Variants in PCCA observed in about 807,000 individuals in gnomAD.
PCCA encodes the protein propionyl-CoA carboxylase subunit alpha.
Under a neutral mutation model 101.3 loss-of-function variants are expected in PCCA, and 74 were observed. The observed-to-expected ratio is 0.73, with a 90% CI of 0.61 to 0.89. PCCA has a LOEUF of 0.89. PCCA is among the 40% of genes least tolerant of loss of function. The pLI, the probability that PCCA is intolerant of heterozygous loss-of-function variation, is 0.00. For synonymous variants in PCCA, 294 were observed against 313.6 expected (o/e 0.94, Z 0.66); for missense variants, 891 against 907.0 (o/e 0.98, Z 0.23).
chr13:100,462,318 A>G (rs768352399), intron 21 of PCCA, among the ~76,000 whole-genome samples: 2 of 152,222 alleles, frequency 1.3e-5, no homozygotes, highest in Non-Finnish European at 2.9e-5. Flanking sequence ...TTTGGTTATT[A>G]GTATTGCAGT....
intron 21 of PCCA, among the ~76,000 whole-genome samples, chr13:100,467,788 G>C (rs1472393400): frequency 1.3e-5 from 2 of 152,178 alleles, no homozygotes; most frequent in Non-Finnish European, 2.9e-5. Context: ...TCACCCATGA[G>C]GGTTAGAATC....
chr13:100,333,335 C>T (rs2069933977), intron 17 of PCCA, among the ~76,000 whole-genome samples: 1 of 152,168 alleles, frequency 6.6e-6, no homozygotes, highest in Non-Finnish European at 1.5e-5. Flanking sequence ...TCATTTTGCC[C>T]CTTTGGGGTT....
intron 21 of PCCA, among the ~76,000 whole-genome samples, chr13:100,456,248 C>G (rs1265958502): frequency 6.6e-6 from 1 of 152,114 alleles, no homozygotes; most frequent in African/African-American, 2.4e-5. Context: ...GTGTGTTTCT[C>G]TATGACATGG....
chr13:100,450,681 TAATAA>T (rs1342139435), intron 21 of PCCA, among the ~76,000 whole-genome samples: 1 of 152,182 alleles, frequency 6.6e-6, no homozygotes, highest in African/African-American at 2.4e-5. Context: ...GGAAGGATGT[TAATAA>T]AATGTGTGTT....
chr13:100,423,193 G>A (rs945501612), intron 19 of PCCA, among the ~76,000 whole-genome samples: 7 of 152,050 alleles, frequency 4.6e-5, no homozygotes, highest in Non-Finnish European at 8.8e-5. Context: ...CTTCGTGTCG[G>A]AGTCTATCAC....
At chr13:100,263,780 T>A (rs1210229512) in intron 10 of PCCA, among the ~76,000 whole-genome samples, 1 of 151,662 alleles carries the variant, frequency 6.6e-6, no homozygotes, top group Non-Finnish European at 1.5e-5. Flanking sequence ...GTATATCATA[T>A]ATACGGTATC....
chr13:100,450,087 A>T (rs2081110413), intron 21 of PCCA, among the ~76,000 whole-genome samples: 2 of 152,182 alleles, frequency 1.3e-5, no homozygotes, highest in South Asian at 2.1e-4. Context: ...AATTTGTTTA[A>T]AAAGGTACCT....
chr13:100,285,933 A>G (rs914092900), intron 12 of PCCA, among the ~76,000 whole-genome samples: 1 of 152,306 alleles, frequency 6.6e-6, no homozygotes, highest in African/African-American at 2.4e-5. Flanking sequence ...ACCAGTGCCC[A>G]GTTAGTGGAA....
At chr13:100,402,019 G>C (rs931054998) in intron 19 of PCCA, among the ~76,000 whole-genome samples, 2 of 152,114 alleles carry the variant, frequency 1.3e-5, no homozygotes, top group Non-Finnish European at 2.9e-5. Context: ...ATACGTGTGC[G>C]TGGTGATGAG....
chr13:100,333,734 A>C (rs963635817), intron 17 of PCCA, among the ~76,000 whole-genome samples: 1 of 152,220 alleles, frequency 6.6e-6, no homozygotes, highest in Admixed American at 6.5e-5. Flanking sequence ...CATCGAAAGA[A>C]ATTGTCAGAA....
At chr13:100,179,089 A>T (rs866191452) in intron 6 of PCCA, among the ~76,000 whole-genome samples, 1,122 of 105,344 alleles carry the variant, frequency 0.011, 8 homozygotes, top group Admixed American at 0.015. Flanking sequence ...AAAAAAAAAA[A>T]AAATATATAT....
intron 19 of PCCA, among the ~76,000 whole-genome samples, chr13:100,391,885 T>C (rs2076817608): frequency 6.6e-6 from 1 of 152,214 alleles, no homozygotes; most frequent in Non-Finnish European, 1.5e-5. Context: ...TCAAATTCTT[T>C]TAGTCATGAA....
Position 100,209,862 on chromosome 13 carries a change from C to T in PCCA, c.600+399C>T, listed in dbSNP as rs559847122. 1.0e-3 allele frequency among the ~76,000 whole-genome samples: 155 copies of T among 151,834 alleles called. 1 individual carries two copies. Among genetic ancestry groups the T allele is most frequent in the Non-Finnish European group, 1.2e-3 (80 of 67,970 alleles). On this transcript the variant is annotated intron_variant, in intron 7 of 23. Transcript: ENST00000376285. ...GGCCAGGCTGGTCTCGAACTCCTGACCCCAGGTGATCTGCCTGCTTCATCC... is the reference window on the plus strand; with the variant it reads ...GGCCAGGCTGGTCTCGAACTCCTGATCCCAGGTGATCTGCCTGCTTCATCC...
chr13:100,262,180 G>C (rs2062564341), intron 9 of PCCA, among the ~76,000 whole-genome samples: 1 of 151,906 alleles, frequency 6.6e-6, no homozygotes, highest in African/African-American at 2.4e-5. Flanking sequence ...ATCACCTTAG[G>C]TCAGGAGTTC....
At chr13:100,311,739 C>G (rs929440401) in intron 16 of PCCA, among the ~76,000 whole-genome samples, 2 of 152,138 alleles carry the variant, frequency 1.3e-5, no homozygotes, top group Non-Finnish European at 2.9e-5. Context: ...CATCACACTC[C>G]AGCCTGGGTG....
chr13:100,197,465 G>T (rs2152458121), intron 6 of PCCA, among the ~76,000 whole-genome samples: 1 of 152,112 alleles, frequency 6.6e-6, no homozygotes, highest in African/African-American at 2.4e-5. Flanking sequence ...TATTTTTTGA[G>T]ACAGAGTGTC....
intron 4 of PCCA, chr13:100,150,972 G>T: frequency 1.3e-6 from 2 of 1,516,610 alleles, no homozygotes; most frequent in Admixed American, 3.3e-5. Flanking sequence ...GGCTGGGTGG[G>T]GCGGAGAGCC....
Position 100,261,650 on chromosome 13 carries a change from A to G in PCCA, c.717-1079A>G, listed in dbSNP as rs376235323. On this transcript the variant is annotated intron_variant, in intron 9 of 23. Transcript: ENST00000376285. ...TTTGCGTTTTGAAAAGATTGGTCAA[A>G]TGAGCCCTAAATATTTGAATAATAG... Among the ~76,000 whole-genome samples, 122 of 152,276 alleles carry G rather than the reference A, an allele frequency of 8.0e-4. 3 individuals carry two copies. The South Asian group carries it at 0.024, about 31-fold the overall frequency.
intron 16 of PCCA, among the ~76,000 whole-genome samples, chr13:100,325,546 A>G (rs1185257179): frequency 6.6e-6 from 1 of 152,322 alleles, no homozygotes. Flanking sequence ...AGGGGGAAAA[A>G]AAAGCCACAA....
Sources: gnomAD v4.1 joint callset for allele counts (sites outside exome capture counted in the v4.1 genomes callset) on GRCh38, gnomAD v4.1.1 for gene constraint, MANE v1.5 for transcripts, NCBI Gene and HGNC (gene_info 2026-07-23, HGNC 2026-07-21) for gene names.